Variants in ERC2 observed in about 807,000 individuals in gnomAD.
ERC2 encodes ERC protein 2.
A neutral mutation model predicts 114.8 loss-of-function variants in ERC2; 42 were observed. The ratio of observed to expected loss-of-function variants is 0.37; its 90% CI spans 0.29 to 0.47. The LOEUF is 0.47. Among genes scored for constraint, ERC2 ranks in the 20% least tolerant of loss-of-function variants. The pLI is 0.99. For synonymous variants in ERC2, 454 were observed against 425.5 expected (o/e 1.07, Z -0.82); for missense variants, 939 against 1,150.7 (o/e 0.82, Z 2.66).
rs1335577795 is a variant in ERC2 at position 55,510,949 on chromosome 3, A to G, written c.*367T>C. 3 of 152,258 alleles carry G rather than the reference A, an allele frequency of 2.0e-5. No homozygotes were observed. The highest frequency in any genetic ancestry group is 4.8e-5 in the African/African-American group (2 of 41,478). 9.4% of individuals were successfully genotyped at this position (152,258 alleles called of 1,614,324 possible). On this transcript the variant is annotated 3_prime_UTR_variant, in exon 18 of 18. Coordinates refer to ENST00000288221, the MANE Select transcript of ERC2 (RefSeq NM_015576.3). ...ATTTATCCAATGATGTTTAAGTAAC[A>G]TAAACAAAATGTTATCAAATAATGA...
intron 14 of ERC2, among the ~76,000 whole-genome samples, chr3:55,859,831 C>G (rs922050115): frequency 3.3e-5 from 5 of 151,966 alleles, no homozygotes; most frequent in Middle Eastern, 3.4e-3. Context: ...GATGGAAGAT[C>G]TTTAGTACAG....
intron 4 of ERC2, among the ~76,000 whole-genome samples, chr3:56,164,535 A>G (rs1447383813): frequency 6.6e-6 from 1 of 152,092 alleles, no homozygotes; most frequent in Non-Finnish European, 1.5e-5. Flanking sequence ...TTGCTATTAT[A>G]AATAATGGTA....
chr3:56,019,518 T>C lies in ERC2; in HGVS notation c.1642-487A>G, dbSNP rs534920097. Among the ~76,000 whole-genome samples, 15 of 152,332 alleles carry C rather than the reference T, an allele frequency of 9.8e-5. No homozygotes were observed. The East Asian group carries it at 1.7e-3, about 18-fold the overall frequency. On this transcript the variant is annotated intron_variant, in intron 7 of 17. Coordinates refer to ENST00000288221, the MANE Select transcript of ERC2 (RefSeq NM_015576.3). ...TATTTCAGTATTAAAGTTTGTGATATGCCAAATGTTGTCAAGTGGCTGTTT... is the reference window on the plus strand; with the variant it reads ...TATTTCAGTATTAAAGTTTGTGATACGCCAAATGTTGTCAAGTGGCTGTTT...
chr3:56,388,515 T>A (rs144657080), intron 2 of ERC2, among the ~76,000 whole-genome samples: 1 of 152,278 alleles, frequency 6.6e-6, no homozygotes, highest in East Asian at 1.9e-4. Flanking sequence ...ATTTTCTTTA[T>A]AAATTACCCA....
intron 14 of ERC2, among the ~76,000 whole-genome samples, chr3:55,877,515 C>CTTTTTTTTTTTTTTTT: frequency 7.1e-6 from 1 of 140,640 alleles, no homozygotes; most frequent in Non-Finnish European, 1.5e-5. Flanking sequence ...TTTATTTTTT[C>CTTTTTTTTTTTTTTTT]TTTTTTTTTT....
chr3:55,967,789 G>A (rs1435073366), intron 12 of ERC2, among the ~76,000 whole-genome samples: 2 of 152,174 alleles, frequency 1.3e-5, no homozygotes, highest in African/African-American at 4.8e-5. Flanking sequence ...TGTCCTGGGA[G>A]TGGGTTCCTT....
At chr3:56,095,462 C>T (rs531694197) in intron 6 of ERC2, among the ~76,000 whole-genome samples, 8 of 152,158 alleles carry the variant, frequency 5.3e-5, no homozygotes, top group East Asian at 1.9e-4. Flanking sequence ...TAAAATGCAG[C>T]GTGTATTCCA....
intron 5 of ERC2, among the ~76,000 whole-genome samples, chr3:56,144,536 G>C (rs960628328): frequency 1.3e-5 from 2 of 152,186 alleles, no homozygotes; most frequent in Non-Finnish European, 2.9e-5. Context: ...ACCGATTCGT[G>C]CTAACTTCTA....
intron 7 of ERC2, among the ~76,000 whole-genome samples, chr3:56,057,667 T>C (rs2076074194): frequency 6.6e-6 from 1 of 152,228 alleles, no homozygotes; most frequent in African/African-American, 2.4e-5. Context: ...TAATCATTCA[T>C]TGTATTTCAC....
chr3:55,919,957 C>G (rs1026271656), intron 13 of ERC2, among the ~76,000 whole-genome samples: 1 of 152,056 alleles, frequency 6.6e-6, no homozygotes, highest in African/African-American at 2.4e-5. Flanking sequence ...AGTATGAAGC[C>G]ATTTATGTTG....
chr3:55,658,374 T>A (rs2148701344), intron 17 of ERC2: 1 of 152,338 alleles, frequency 6.6e-6, no homozygotes, highest in South Asian at 2.1e-4. Flanking sequence ...GACTCATTGG[T>A]CTAGTTTGAT....
rs552068594 is a variant in ERC2, at chr3:56,245,958, G to A, written c.1074+50061C>T. 3.3e-5 allele frequency among the ~76,000 whole-genome samples: 5 copies of A among 152,030 alleles called. No individual in the cohort carries two copies. The South Asian group carries it at 1.0e-3, about 32-fold the overall frequency. The stretch of plus-strand genomic sequence containing the variant: ...TTAGCAGCTTAATCCCCAAATAAAG[G>A]GGATTTTTCATGGCTTTTTCAAGAT... On this transcript the variant is annotated intron_variant, in intron 3 of 17. Transcript: ENST00000288221.
chr3:55,528,009 C>T, intron 17 of ERC2, among the ~76,000 whole-genome samples: 1 of 152,140 alleles, frequency 6.6e-6, no homozygotes, highest in East Asian at 1.9e-4. Context: ...TAGTAACACC[C>T]CACAGGCTTC....
chr3:55,767,611 C>G (rs892797348), intron 14 of ERC2, among the ~76,000 whole-genome samples: 3 of 152,104 alleles, frequency 2.0e-5, no homozygotes, highest in Admixed American at 2.0e-4. Flanking sequence ...CAGACATGCC[C>G]AGGTAGATCA....
At chr3:56,181,249 T>G (rs1013890535) in intron 3 of ERC2, among the ~76,000 whole-genome samples, 42 of 152,364 alleles carry the variant, frequency 2.8e-4, no homozygotes, top group Non-Finnish European at 5.0e-4. Flanking sequence ...TTCTAAAACA[T>G]ACTGTTATTT....
rs376795253 is a variant in ERC2 at position 56,417,839 on chromosome 3, T to C, written c.657+16512A>G. On this transcript the variant is annotated intron_variant, in intron 2 of 17. Transcript: ENST00000288221. ...GCATATCAGATGCAAAGGCAAAAAC[T>C]AGGGCTACTAGGATTACAATGTAAG... Among the ~76,000 whole-genome samples the C allele has an allele frequency of 4.6e-5, 7 of 152,296 alleles. No homozygotes were observed. The South Asian group carries it at 1.5e-3, about 32-fold the overall frequency.
At chr3:55,564,068 G>T (rs1024454251) in intron 17 of ERC2, among the ~76,000 whole-genome samples, 8 of 152,164 alleles carry the variant, frequency 5.3e-5, no homozygotes, top group Admixed American at 2.6e-4. Context: ...GTAATGGTTT[G>T]CTAAGCATCT....
At chr3:55,920,810 C>A (rs2065382428) in intron 13 of ERC2, among the ~76,000 whole-genome samples, 1 of 152,190 alleles carries the variant, frequency 6.6e-6, no homozygotes, top group South Asian at 2.1e-4. Flanking sequence ...TCATTGGATG[C>A]TCAGTATTTG....
chr3:56,347,670 G>T (rs1324318180), intron 2 of ERC2, among the ~76,000 whole-genome samples: 1 of 152,060 alleles, frequency 6.6e-6, no homozygotes, highest in Non-Finnish European at 1.5e-5. Flanking sequence ...TCAGAGGTCT[G>T]GGTACCAGGC....
Sources: allele counts gnomAD v4.1 joint callset (sites outside exome capture counted in the v4.1 genomes callset), GRCh38; gene constraint gnomAD v4.1.1; transcripts MANE v1.5; gene names NCBI Gene and HGNC (gene_info 2026-07-23, HGNC 2026-07-21).